The following TMEM178B variants were observed in gnomAD, a reference collection of about 807,000 sequenced individuals.
TMEM178B encodes transmembrane protein 178B.
TMEM178B carries 5 observed loss-of-function variants against 31.0 expected under a neutral mutation model. The observed-to-expected ratio is 0.16, with a 90% CI of 0.08 to 0.34. The LOEUF is 0.34. Among genes scored for constraint, TMEM178B ranks in the 10% least tolerant of loss-of-function variants. The pLI is 1.00. For missense variants in TMEM178B, 275 were observed against 400.3 expected, an observed-to-expected ratio of 0.69 and a Z score of 2.67; for synonymous variants, 164 against 164.0, an observed-to-expected ratio of 1.00 and a Z score of 0.00.
intron 2 of TMEM178B, among the ~76,000 whole-genome samples, chr7:141,288,767 G>C (rs1798493907): frequency 6.6e-6 from 1 of 152,226 alleles, no homozygotes; most frequent in Admixed American, 6.5e-5. Flanking sequence ...ACAGTAAAGA[G>C]TGACGTTCCT....
chr7:141,438,542 G>C (rs117204740), intron 3 of TMEM178B, among the ~76,000 whole-genome samples: 6 of 151,600 alleles, frequency 4.0e-5, no homozygotes, highest in East Asian at 2.0e-4. Flanking sequence ...ATTGTGTGGG[G>C]CTCAGTAGAG....
intron 1 of TMEM178B, among the ~76,000 whole-genome samples, chr7:141,204,891 G>A (rs1796937641): frequency 6.6e-6 from 1 of 152,210 alleles, no homozygotes; most frequent in East Asian, 1.9e-4. Context: ...TGTGATCACA[G>A]CTCACTGAAG....
chr7:141,144,500 G>C (rs919312511), intron 1 of TMEM178B, among the ~76,000 whole-genome samples: 2 of 152,194 alleles, frequency 1.3e-5, no homozygotes, highest in African/African-American at 4.8e-5. Context: ...AACAAAGCTA[G>C]AGATGTGACA....
intron 1 of TMEM178B, among the ~76,000 whole-genome samples, chr7:141,080,932 G>T (rs1794672078): frequency 1.3e-5 from 2 of 152,210 alleles, no homozygotes; most frequent in African/African-American, 2.4e-5. Flanking sequence ...ACTGCCGGCG[G>T]TATAGAAGTC....
chr7:141,249,714 A>G (rs1003776512), intron 2 of TMEM178B, among the ~76,000 whole-genome samples: 3 of 152,196 alleles, frequency 2.0e-5, no homozygotes, highest in African/African-American at 4.8e-5. Context: ...GCTTCCTTCC[A>G]CTTGGAGAAC....
chr7:141,103,639 TAGA>T (rs1795094731), intron 1 of TMEM178B, among the ~76,000 whole-genome samples: 2 of 152,232 alleles, frequency 1.3e-5, no homozygotes, highest in Admixed American at 6.5e-5. Flanking sequence ...ACATTGGTTT[TAGA>T]AGGAGGATTA....
intron 1 of TMEM178B, among the ~76,000 whole-genome samples, chr7:141,158,801 C>T (rs915647710): frequency 4.6e-5 from 7 of 152,014 alleles, no homozygotes; most frequent in Non-Finnish European, 1.0e-4. Context: ...GCCTGCATGC[C>T]GAAAGAACAA....
At chr7:141,291,315 G>A (rs942357635) in intron 2 of TMEM178B, among the ~76,000 whole-genome samples, 3 of 152,188 alleles carry the variant, frequency 2.0e-5, no homozygotes, top group Admixed American at 6.5e-5. Flanking sequence ...TGACATCACC[G>A]TGTATCAGAC....
the TMEM178B span, among the ~76,000 whole-genome samples, chr7:141,509,718 C>A: frequency 2.0e-5 from 3 of 152,158 alleles, no homozygotes; most frequent in African/African-American, 7.2e-5. Context: ...GTACACTGAG[C>A]AGAAACTTGG....
At chr7:141,392,641 A>G (rs916536741) in intron 2 of TMEM178B, among the ~76,000 whole-genome samples, 2 of 152,058 alleles carry the variant, frequency 1.3e-5, no homozygotes, top group Non-Finnish European at 2.9e-5. Flanking sequence ...CCAAATGTCT[A>G]TTATGGTTGG....
chr7:141,255,516 A>G (rs1480037991), intron 2 of TMEM178B, among the ~76,000 whole-genome samples: 2 of 152,248 alleles, frequency 1.3e-5, no homozygotes, highest in African/African-American at 4.8e-5. Flanking sequence ...CCTAGTTACC[A>G]CTTACTATCA....
rs543856745 is a variant in TMEM178B at position 141,125,398 on chromosome 7, C to A, written c.382+50706C>A. Among the ~76,000 whole-genome samples the A allele has an allele frequency of 3.2e-4, 48 of 152,056 alleles. No homozygotes were observed. The East Asian group carries it at 8.7e-3, about 28-fold the overall frequency. On this transcript the variant is annotated intron_variant, in intron 1 of 3. Coordinates refer to ENST00000565468, the MANE Select transcript of TMEM178B (RefSeq NM_001195278.2). ...TCCCTGCTTGTTAAGAAGTGAAGCC[C>A]GGCGCCGGATGTGGTGGCTCACACC...
At chr7:141,410,849 G>A (rs1800973767) in intron 2 of TMEM178B, among the ~76,000 whole-genome samples, 1 of 152,186 alleles carries the variant, frequency 6.6e-6, no homozygotes, top group African/African-American at 2.4e-5. Flanking sequence ...ACTTGAAAAT[G>A]ATGAAGATAA....
chr7:141,323,662 T>G (rs963455020), intron 2 of TMEM178B, among the ~76,000 whole-genome samples: 20 of 152,296 alleles, frequency 1.3e-4, no homozygotes, highest in African/African-American at 4.6e-4. Context: ...CAACAAGTAT[T>G]TACTGAGTGT....
intron 1 of TMEM178B, among the ~76,000 whole-genome samples, chr7:141,075,104 G>A (rs1408293188): frequency 6.6e-6 from 1 of 152,128 alleles, no homozygotes; most frequent in Non-Finnish European, 1.5e-5. Flanking sequence ...GGAAAATTGG[G>A]GGAAACATTT....
At position 141,427,315 on chromosome 7, in the gene TMEM178B, C is replaced by T. The variant is rs549916337; in HGVS notation, c.497-10293C>T. Among the ~76,000 whole-genome samples, 16 of 152,226 alleles carry T rather than the reference C, an allele frequency of 1.1e-4. No homozygotes were observed. In the South Asian group the frequency reaches 2.9e-3, roughly 28 times the overall value. On this transcript the variant is annotated intron_variant, in intron 2 of 3. Coordinates refer to ENST00000565468, the MANE Select transcript of TMEM178B (RefSeq NM_001195278.2). ...TCATACTTCCTGAATTCAAAATATACTGCAAAACTATAGTAATCAAAACAG... is the reference window on the plus strand; with the variant it reads ...TCATACTTCCTGAATTCAAAATATATTGCAAAACTATAGTAATCAAAACAG...
intron 2 of TMEM178B, among the ~76,000 whole-genome samples, chr7:141,240,229 A>T (rs1425277651): frequency 3.3e-5 from 5 of 152,164 alleles, no homozygotes; most frequent in Admixed American, 2.0e-4. Context: ...TACTCCTCCC[A>T]TTTAAAAAAA....
At chr7:141,158,822 T>C (rs1259763989) in intron 1 of TMEM178B, among the ~76,000 whole-genome samples, 1 of 152,130 alleles carries the variant, frequency 6.6e-6, no homozygotes, top group African/African-American at 2.4e-5. Context: ...GCCTGCATGC[T>C]TCAGTAATGT....
intron 2 of TMEM178B, among the ~76,000 whole-genome samples, chr7:141,280,301 T>G (rs1348861133): frequency 6.6e-6 from 1 of 152,116 alleles, no homozygotes; most frequent in East Asian, 1.9e-4. Context: ...CCTGATATAG[T>G]TTGGCTGTGT....
Sources: allele counts gnomAD v4.1 joint callset (sites outside exome capture counted in the v4.1 genomes callset), GRCh38; gene constraint gnomAD v4.1.1; transcripts MANE v1.5; gene names NCBI Gene and HGNC (gene_info 2026-07-23, HGNC 2026-07-21).